SVEP1: variants seen among roughly 807,000 people sequenced by gnomAD.
SVEP1 encodes sushi, von Willebrand factor type A, EGF and pentraxin domain containing 1.
Under a neutral mutation model 367.3 loss-of-function variants are expected in SVEP1, and 164 were observed. The observed-to-expected ratio is 0.45, with a 90% CI of 0.39 to 0.51. SVEP1 has a LOEUF of 0.51. Among genes scored for constraint, SVEP1 ranks in the 20% least tolerant of loss-of-function variants. SVEP1 has a pLI of 0.00. For synonymous variants in SVEP1, 1,666 were observed against 1,611.6 expected, an observed-to-expected ratio of 1.03 and a Z score of -0.81; for missense variants, 4,117 against 4,425.3, an observed-to-expected ratio of 0.93 and a Z score of 1.98.
chr9:110,389,659 A>T lies in SVEP1; in HGVS notation c.9823-72T>A. On this transcript the variant is annotated intron_variant, in intron 40 of 47. Coordinates refer to ENST00000374469, the MANE Select transcript of SVEP1 (RefSeq NM_153366.4). ...GAAAGATAATAAGGAAATGCAAAGT[A>T]ATCTTAGCTATGGCCTTGAATCGCT... The T allele has an allele frequency of 1.9e-6, 3 of 1,553,384 alleles. No homozygotes were observed. The East Asian group carries it at 6.8e-5, about 35-fold the overall frequency.
intron 46 of SVEP1, 57 bp from the exon 47 acceptor site, chr9:110,370,073 C>T: frequency 6.7e-7 from 1 of 1,484,126 alleles, no homozygotes; most frequent in South Asian, 1.2e-5. Context: ...CTGATGATAT[C>T]CATAAAGGCA....
Position 110,446,883 on chromosome 9 carries a change from A to G in SVEP1, c.4261+17T>C. On this transcript the variant is annotated intron_variant, in intron 25 of 47. Coordinates refer to ENST00000374469, the MANE Select transcript of SVEP1 (RefSeq NM_153366.4). ...TATTGTTAGTATTGTTATTAATAAC[A>G]CTGAGTTGATACATACCTGTTTCAC... The G allele has an allele frequency of 6.7e-7, 1 of 1,494,960 alleles. No homozygotes were observed. The highest frequency in any genetic ancestry group is 8.9e-7 in the Non-Finnish European group (1 of 1,121,978). The allele number at this position is 1,494,960 out of a possible 1,614,324, so 92.6% of individuals were successfully genotyped here. A position where few individuals can be genotyped will look rare whatever the true frequency, so the allele number is the denominator to read the frequency against.
chr9:110,502,969 AC>A, intron 6 of SVEP1, 68 bp downstream of exon 6: 1 of 1,519,882 alleles, frequency 6.6e-7, no homozygotes, highest in Non-Finnish European at 8.8e-7. Flanking sequence ...TTAGGTCTTC[AC>A]AGAATACTGG....
At chr9:110,542,011 C>T (rs1471168208) in intron 3 of SVEP1, among the ~76,000 whole-genome samples, 2 of 151,360 alleles carry the variant, frequency 1.3e-5, no homozygotes, top group African/African-American at 2.4e-5. Context: ...ATAATTTAAG[C>T]CCATTTTACA....
intron 12 of SVEP1, among the ~76,000 whole-genome samples, 162 bp downstream of exon 12, chr9:110,481,080 T>C (rs904626220): frequency 6.6e-6 from 1 of 152,232 alleles, no homozygotes; most frequent in African/African-American, 2.4e-5. Flanking sequence ...GTGACTAATA[T>C]TTTAAATCCA....
intron 1 of SVEP1, among the ~76,000 whole-genome samples, chr9:110,570,958 T>C (rs1830554642): frequency 6.7e-6 from 1 of 149,102 alleles, no homozygotes; most frequent in Non-Finnish European, 1.5e-5. Context: ...CATATACTCT[T>C]CCAGATGGCT....
In SVEP1 at chr9:110,386,000, T is replaced by G; in HGVS notation, c.10135A>C (p.Asn3379His). 1.2e-6 allele frequency: 2 copies of G among 1,613,920 alleles called. No individual in the cohort carries two copies. Among genetic ancestry groups the G allele is most frequent in the Non-Finnish European group, 1.7e-6 (2 of 1,179,848 alleles). The change falls in exon 43 of 48, where the codon AAT becomes CAT. Residue 3379 changes from asparagine to histidine, a missense_variant. This residue lies in a region of SVEP1 where 1,765 missense variants were observed against 1,781.1 expected (regional missense o/e 0.99). Coordinates refer to ENST00000374469, the MANE Select transcript of SVEP1 (RefSeq NM_153366.4). ...CCTTCCCTACATTTGATGGACACAT[T>G]CTGATCAACATAAAACTCCTTTTCA... ...LSEKEFYVDQ[N>H]VSIKCREGFL... is the part of the protein sequence containing the mutation.
chr9:110,432,121 A>G lies in SVEP1; in HGVS notation c.5234-87T>C, dbSNP rs2118557727. The stretch of plus-strand genomic sequence containing the variant: ...TGTTTTTACTTTTAAATCATTACAT[A>G]TCACGTAATGCACAACACTTCATAT... On this transcript the variant is annotated intron_variant, in intron 31 of 47. Coordinates refer to ENST00000374469, the MANE Select transcript of SVEP1 (RefSeq NM_153366.4). 2.2e-6 allele frequency: 3 copies of G among 1,355,688 alleles called. No homozygotes were observed. In the East Asian group the frequency reaches 7.1e-5, roughly 32 times the overall value. The allele number at this position is 1,355,688 out of a possible 1,614,324, so 84.0% of individuals were successfully genotyped here.
At chr9:110,411,796 GTCT>G (rs1828048967) in intron 36 of SVEP1, 61 bp from the exon 37 acceptor site, 6 of 1,384,768 alleles carry the variant, frequency 4.3e-6, no homozygotes, top group Admixed American at 3.1e-5. Flanking sequence ...AAGTGTTTGT[GTCT>G]TCTTCTATTT....
At chr9:110,433,560 C>T (rs1383886222) in intron 30 of SVEP1, among the ~76,000 whole-genome samples, 2 of 150,924 alleles carry the variant, frequency 1.3e-5, no homozygotes, top group Non-Finnish European at 2.9e-5. Flanking sequence ...CCTCTGCCTG[C>T]CTCCTGGGCT....
intron 3 of SVEP1, 96 bp downstream of exon 3, chr9:110,546,019 G>A: frequency 1.4e-6 from 2 of 1,391,846 alleles, no homozygotes; most frequent in Admixed American, 2.1e-5. Flanking sequence ...ACACACTAAT[G>A]AGCAATAACA....
chr9:110,448,411 A>G (rs948440741), intron 24 of SVEP1, among the ~76,000 whole-genome samples: 21 of 152,176 alleles, frequency 1.4e-4, no homozygotes, highest in African/African-American at 4.3e-4. Flanking sequence ...TCATACGAAG[A>G]CCTCTTTGAT....
At chr9:110,548,692 C>A (rs575078529) in intron 2 of SVEP1, among the ~76,000 whole-genome samples, 1 of 152,246 alleles carries the variant, frequency 6.6e-6, no homozygotes, top group African/African-American at 2.4e-5. Context: ...TAGATCCAAA[C>A]CTGTTTAAAC....
intron 36 of SVEP1, among the ~76,000 whole-genome samples, chr9:110,423,700 C>T (rs183709676): frequency 4.1e-4 from 62 of 151,992 alleles, no homozygotes; most frequent in Admixed American, 2.4e-3. Context: ...CAAAAGGCAC[C>T]ATAGAGTAAA....
intron 1 of SVEP1, among the ~76,000 whole-genome samples, chr9:110,554,148 C>T (rs912771171): frequency 7.2e-5 from 11 of 151,996 alleles, no homozygotes; most frequent in African/African-American, 2.4e-4. Flanking sequence ...CTACACCACC[C>T]GTCTCGGCTG....
intron 8 of SVEP1, among the ~76,000 whole-genome samples, chr9:110,492,884 T>C (rs936523167): frequency 6.6e-6 from 1 of 152,062 alleles, no homozygotes; most frequent in Admixed American, 6.6e-5. Context: ...CCGACACCCA[T>C]GCCTTGGAGT....
In SVEP1 at chr9:110,404,442, G is replaced by C; in HGVS notation, c.9551C>G (p.Pro3184Arg). Reference protein sequence around the residue: ...ISCSPKKCPLPENITHILVHG... With the variant: ...ISCSPKKCPLRENITHILVHG... ...TACAAGTATATGTGTTATGTTTTCC[G>C]GGAGAGGACATTTTTTAGGACTGCA... The change falls in exon 39 of 48, where the codon CCG (proline) becomes CGG (arginine). Residue 3184 changes from proline to arginine, a missense_variant. By Grantham distance (103) the Pro-to-Arg change is moderately radical. Transcript: ENST00000374469. 1 of 1,613,950 alleles carries C rather than the reference G, an allele frequency of 6.2e-7. No individual in the cohort carries two copies. Among genetic ancestry groups the C allele is most frequent in the Non-Finnish European group, 8.5e-7 (1 of 1,179,882 alleles).
At position 110,434,278 on chromosome 9, in the gene SVEP1, GT is replaced by G. The variant is rs890887556; in HGVS notation, c.5059+57del. ...TCTTTGTCTAGCATTCCTGAAAAGA[GT>G]TATGTTTTCAATATTTTTCAAAAGT... On this transcript the variant is annotated intron_variant, in intron 30 of 47. Coordinates refer to ENST00000374469, the MANE Select transcript of SVEP1 (RefSeq NM_153366.4). The G allele has an allele frequency of 6.3e-5, 95 of 1,519,610 alleles. 1 individual carries two copies. Among genetic ancestry groups the G allele is most frequent in the Admixed American group, 5.5e-4 (28 of 50,590 alleles). 94.1% of individuals were successfully genotyped at this position (1,519,610 alleles called of 1,614,324 possible).
At chr9:110,543,918 G>A (rs1830185310) in intron 3 of SVEP1, among the ~76,000 whole-genome samples, 1 of 152,106 alleles carries the variant, frequency 6.6e-6, no homozygotes, top group African/African-American at 2.4e-5. Flanking sequence ...GAGCTGATCT[G>A]CTCCCAACCC....
Sources: gnomAD v4.1 joint callset for allele counts (sites outside exome capture counted in the v4.1 genomes callset) on GRCh38, gnomAD v4.1.1 for gene constraint, gnomAD v4.1.1 regional missense constraint, MANE v1.5 for transcripts, NCBI Gene and HGNC (gene_info 2026-07-23, HGNC 2026-07-21) for gene names.